PRELID2: variants seen among roughly 807,000 people sequenced by gnomAD.
PRELID2 encodes the protein PRELI domain-containing protein 2.
PRELID2 carries 25 observed loss-of-function variants against 28.4 expected under a neutral mutation model. The ratio of observed to expected loss-of-function variants is 0.88; its 90% CI spans 0.64 to 1.23. The LOEUF is 1.23. Among genes scored for constraint, PRELID2 ranks in the 50% most tolerant of loss-of-function variants. PRELID2 has a pLI of 0.00. For synonymous variants in PRELID2, 76 were observed against 71.6 expected (o/e 1.06, Z -0.31); for missense variants, 201 against 214.4 (o/e 0.94, Z 0.39).
chr5:145,311,527 A>G, the PRELID2 span, among the ~76,000 whole-genome samples: 1 of 152,062 alleles, frequency 6.6e-6, no homozygotes, highest in African/African-American at 2.4e-5. Context: ...GGCTGGTTAG[A>G]CTCAGGGCAT....
chr5:145,606,441 C>G (rs1012552294), intron 1 of PRELID2, among the ~76,000 whole-genome samples: 16 of 152,060 alleles, frequency 1.1e-4, no homozygotes, highest in Non-Finnish European at 5.9e-5. Context: ...AGGTATATTC[C>G]TTCAGTGCCT....
intron 1 of PRELID2, among the ~76,000 whole-genome samples, chr5:145,566,566 A>G (rs1181118171): frequency 1.3e-5 from 2 of 152,050 alleles, no homozygotes; most frequent in East Asian, 3.9e-4. Flanking sequence ...AAGGCCCCAC[A>G]TGGTGGTTCA....
intron 1 of PRELID2, among the ~76,000 whole-genome samples, chr5:145,553,739 C>T (rs918017757): frequency 2.6e-5 from 4 of 152,058 alleles, no homozygotes; most frequent in African/African-American, 9.7e-5. Context: ...ATGCACCAGA[C>T]ATCAAAGGTT....
At position 145,748,223 on chromosome 5, in the gene PRELID2, C is replaced by T. The variant is rs375910243; in HGVS notation, n.70+16708G>A. Among the ~76,000 whole-genome samples, 98 of 152,226 alleles carry T rather than the reference C, an allele frequency of 6.4e-4. 2 individuals carry two copies. In the South Asian group the frequency reaches 0.019, roughly 30 times the overall value. On this transcript the variant is annotated intron_variant and non_coding_transcript_variant, in intron 1 of 2. Transcript: ENST00000510259. ...GGAAGAGAGGAAGTCAAATTGTCTC[C>T]GTTTGCAGACGACATGATTTTATGT...
At chr5:145,377,983 C>T in the PRELID2 span, among the ~76,000 whole-genome samples, 1 of 152,148 alleles carries the variant, frequency 6.6e-6, no homozygotes. Flanking sequence ...TAAGGCAGTT[C>T]TGGTGATAAC....
the PRELID2 span, among the ~76,000 whole-genome samples, chr5:145,285,649 C>T: frequency 1.3e-5 from 2 of 152,138 alleles, no homozygotes; most frequent in African/African-American, 4.8e-5. Flanking sequence ...ACCACAACAA[C>T]AACAACAGCA....
At chr5:145,524,711 A>G (rs546215168) in intron 1 of PRELID2, among the ~76,000 whole-genome samples, 3 of 152,212 alleles carry the variant, frequency 2.0e-5, no homozygotes, top group Non-Finnish European at 4.4e-5. Context: ...GTCCCCTCAG[A>G]AAAAGCTCCA....
intron 1 of PRELID2, among the ~76,000 whole-genome samples, chr5:145,748,876 AG>A (rs1757059182): frequency 6.6e-6 from 1 of 152,244 alleles, no homozygotes; most frequent in South Asian, 2.1e-4. Flanking sequence ...CAATGGGGAA[AG>A]GATCTCCTAT....
chr5:145,343,571 A>G, the PRELID2 span, among the ~76,000 whole-genome samples: 2 of 151,902 alleles, frequency 1.3e-5, no homozygotes, highest in African/African-American at 4.8e-5. Flanking sequence ...AATTAGAAAG[A>G]TTACAAATTA....
chr5:145,591,368 A>G (rs1303850627), intron 1 of PRELID2, among the ~76,000 whole-genome samples: 1 of 152,080 alleles, frequency 6.6e-6, no homozygotes, highest in Non-Finnish European at 1.5e-5. Context: ...TTTATTTTTT[A>G]AGTATCTATT....
intron 4 of PRELID2, among the ~76,000 whole-genome samples, chr5:145,808,048 C>T (rs1420721151): frequency 1.3e-5 from 2 of 152,102 alleles, no homozygotes; most frequent in African/African-American, 4.8e-5. Flanking sequence ...CTGCTTGGCT[C>T]TTCATAATTG....
intron 3 of PRELID2, among the ~76,000 whole-genome samples, chr5:145,819,059 G>T (rs2149863248): frequency 6.6e-6 from 1 of 152,312 alleles, no homozygotes; most frequent in South Asian, 2.1e-4. Flanking sequence ...TCTCTTGCCT[G>T]CTGCCATGTA....
intron 1 of PRELID2, among the ~76,000 whole-genome samples, chr5:145,624,663 T>C (rs956168608): frequency 7.9e-5 from 12 of 152,292 alleles, no homozygotes; most frequent in African/African-American, 2.6e-4. Flanking sequence ...AGAGAATATA[T>C]GTATAAAATC....
chr5:145,829,109 C>A (rs1448230770), intron 1 of PRELID2, among the ~76,000 whole-genome samples: 2 of 151,796 alleles, frequency 1.3e-5, no homozygotes, highest in East Asian at 3.9e-4. Flanking sequence ...CCCTGTTGCC[C>A]AGGCTGGTCT....
intron 1 of PRELID2, among the ~76,000 whole-genome samples, chr5:145,583,640 C>A (rs943232762): frequency 2.0e-5 from 3 of 152,120 alleles, no homozygotes; most frequent in East Asian, 3.9e-4. Flanking sequence ...TTCCTATACA[C>A]TAGCAACAGG....
chr5:145,618,938 T>A lies in PRELID2; in HGVS notation n.71-145623A>T, dbSNP rs887024315. ...GAGGATTACGGCCACCTCTGCTGAGTCATGCAGGTTGTCAGGGTAAGTGGG... is the reference window on the plus strand; with the variant it reads ...GAGGATTACGGCCACCTCTGCTGAGACATGCAGGTTGTCAGGGTAAGTGGG... On this transcript the variant is annotated intron_variant and non_coding_transcript_variant, in intron 1 of 2. Transcript: ENST00000510259. 1.8e-4 allele frequency among the ~76,000 whole-genome samples: 28 copies of A among 151,880 alleles called. 1 individual carries two copies. The highest frequency in any genetic ancestry group is 6.8e-3 in the Middle Eastern group (2 of 294).
intron 1 of PRELID2, among the ~76,000 whole-genome samples, chr5:145,722,533 G>C (rs1286274055): frequency 6.6e-6 from 1 of 150,526 alleles, no homozygotes; most frequent in Admixed American, 6.6e-5. Context: ...GTCTCACTCT[G>C]TGTCACCCAG....
At chr5:145,726,871 C>G (rs1460719262) in intron 1 of PRELID2, among the ~76,000 whole-genome samples, 1 of 152,176 alleles carries the variant, frequency 6.6e-6, no homozygotes, top group Admixed American at 6.5e-5. Context: ...TGTACACTAG[C>G]TCTTGAAGCT....
intron 1 of PRELID2, among the ~76,000 whole-genome samples, chr5:145,505,488 T>C (rs1752403519): frequency 1.3e-5 from 2 of 152,194 alleles, no homozygotes; most frequent in Admixed American, 6.6e-5. Context: ...TAACCTCTCA[T>C]CTGATCTTCC....
Sources: allele counts gnomAD v4.1 joint callset (sites outside exome capture counted in the v4.1 genomes callset), GRCh38; gene constraint gnomAD v4.1.1; transcripts MANE v1.5; gene names NCBI Gene and HGNC (gene_info 2026-07-23, HGNC 2026-07-21).